Variants in ABCA13 observed in about 807,000 individuals in gnomAD.
ABCA13 encodes ATP-binding cassette sub-family A member 13.
A neutral mutation model predicts 478.7 loss-of-function variants in ABCA13; 476 were observed. That is an observed-to-expected ratio of 0.99 (90% CI 0.92 to 1.07). The LOEUF (loss-of-function observed/expected upper bound fraction) is 1.07, where lower values mean the gene tolerates loss of function less well. Among genes scored for constraint, ABCA13 ranks in the 50% least tolerant of loss-of-function variants. ABCA13 has a pLI of 0.00. For synonymous variants in ABCA13, 2,252 were observed against 2,158.9 expected (o/e 1.04, Z -1.20); for missense variants, 6,060 against 5,910.6 (o/e 1.03, Z -0.83).
At chr7:48,602,465 A>T (rs1255622093) in intron 58 of ABCA13, among the ~76,000 whole-genome samples, 2 of 152,136 alleles carry the variant, frequency 1.3e-5, no homozygotes, top group Non-Finnish European at 2.9e-5. Flanking sequence ...TCCCGACACC[A>T]TTTATTAAAT....
At position 48,246,040 on chromosome 7, in the gene ABCA13, C is replaced by T; in HGVS notation, c.1659+10C>T. 6.2e-7 allele frequency: 1 copy of T among 1,611,092 alleles called. No individual in the cohort carries two copies. ...TTCAGTAGAGGATGCTGTAAGTATT[C>T]TACCATCTTAGCTCTTCTAAGGGCA... On this transcript the variant is annotated intron_variant, in intron 13 of 61. Coordinates refer to ENST00000435803, the MANE Select transcript of ABCA13 (RefSeq NM_152701.5).
intron 1 of ABCA13, among the ~76,000 whole-genome samples, chr7:48,178,975 C>CCAATCA (rs746825836): frequency 7.0e-6 from 1 of 142,076 alleles, no homozygotes; most frequent in Non-Finnish European, 1.5e-5. Context: ...AAAACAAAAA[C>CCAATCA]TAATAATAAT....
intron 15 of ABCA13, among the ~76,000 whole-genome samples, chr7:48,258,824 G>A (rs75999081): frequency 0.023 from 3,424 of 152,114 alleles, 132 homozygotes; most frequent in African/African-American, 0.078. Flanking sequence ...GTTCTCATTA[G>A]TTTTCTAAGA....
At chr7:48,376,703 T>A (rs7801179) in intron 35 of ABCA13, 131 bp downstream of exon 35, 1 of 1,074,982 alleles carries the variant, frequency 9.3e-7, no homozygotes, top group Non-Finnish European at 1.3e-6. Flanking sequence ...GATATATATT[T>A]AAAAGGAGCT....
chr7:48,310,263 G>A, intron 24 of ABCA13, 122 bp downstream of exon 24: 1 of 1,060,740 alleles, frequency 9.4e-7, no homozygotes, highest in Non-Finnish European at 1.4e-6. Flanking sequence ...CTCTGCAGTG[G>A]TCTCCACCAG....
intron 26 of ABCA13, among the ~76,000 whole-genome samples, chr7:48,316,846 T>C (rs1802659521): frequency 6.6e-6 from 1 of 152,202 alleles, no homozygotes; most frequent in Non-Finnish European, 1.5e-5. Flanking sequence ...CAAGCAGCTC[T>C]CTTGGGAACT....
At position 48,273,855 on chromosome 7, in the gene ABCA13, T is replaced by C. The variant is rs1402910208; in HGVS notation, c.4189T>C (p.Trp1397Arg). ...TISSLKGCIV[W>R]LDVINHLYLL... Reference sequence around the variant, plus strand: ...TAGCAGTCTGAAAGGATGCATTGTATGGTTAGATGTCATAAACCATTTGTA... The same window carrying C: ...TAGCAGTCTGAAAGGATGCATTGTACGGTTAGATGTCATAAACCATTTGTA... The change falls in exon 17 of 62, where the codon TGG (tryptophan) becomes CGG (arginine). Residue 1397 changes from tryptophan to arginine, a missense_variant. Trp to Arg is a moderately radical substitution (Grantham distance 101, BLOSUM62 -3). This residue lies in a region of ABCA13 where 4,423 missense variants were observed against 4,309.1 expected (regional missense o/e 1.03). Coordinates refer to ENST00000435803, the MANE Select transcript of ABCA13 (RefSeq NM_152701.5). The C allele has an allele frequency of 4.3e-6, 7 of 1,612,370 alleles. No homozygotes were observed. Among genetic ancestry groups the C allele is most frequent in the Middle Eastern group, 1.6e-4 (1 of 6,080 alleles).
rs200920307 is a variant in ABCA13, at chr7:48,411,165, C to CTCTT, written c.12228+504_12228+507dup. Among the ~76,000 whole-genome samples, 135 of 135,460 alleles carry CTCTT rather than the reference C, an allele frequency of 1.0e-3. 7 individuals carry two copies. The highest frequency in any genetic ancestry group is 2.5e-3 in the South Asian group (11 of 4,354). 88.9% of individuals were successfully genotyped at this position (135,460 alleles called of 152,430 possible). A position where few individuals can be genotyped will look rare whatever the true frequency, so the allele number is the denominator to read the frequency against. ...TTCCTTTTCTTTCTCCCCTTCCCTT[C>CTCTT]TCTTTCTTTCTTTCTTTCTCTTTCT... On this transcript the variant is annotated intron_variant, in intron 40 of 61. Coordinates refer to ENST00000435803, the MANE Select transcript of ABCA13 (RefSeq NM_152701.5).
At chr7:48,244,554 A>T in intron 10 of ABCA13, 22 bp from the exon 11 acceptor site, 1 of 1,603,368 alleles carries the variant, frequency 6.2e-7, no homozygotes, top group Non-Finnish European at 8.5e-7. Context: ...ATTTTATTTC[A>T]TTTATTTATT....
chr7:48,414,466 G>A (rs2129102421), intron 41 of ABCA13, among the ~76,000 whole-genome samples: 1 of 151,790 alleles, frequency 6.6e-6, no homozygotes. Context: ...TGAACAATGT[G>A]CTGAACCTTT....
At chr7:48,575,780 A>G (rs1468719756) in intron 55 of ABCA13, among the ~76,000 whole-genome samples, 2 of 152,198 alleles carry the variant, frequency 1.3e-5, no homozygotes, top group Non-Finnish European at 2.9e-5. Flanking sequence ...CATTTTCACA[A>G]CAGGAAAATA....
At position 48,389,234 on chromosome 7, in the gene ABCA13, T is replaced by C. The variant is rs759326425; in HGVS notation, c.11654+14T>C. ...AACCACTATCATGTGGGTCCCATTT[T>C]ACCCTTATCAAACACTGGGCATTTG... On this transcript the variant is annotated intron_variant, in intron 37 of 61. Transcript: ENST00000435803. 1.4e-5 allele frequency: 22 copies of C among 1,600,860 alleles called. No homozygotes were observed. The highest frequency in any genetic ancestry group is 8.6e-5 in the Admixed American group (5 of 58,306).
intron 44 of ABCA13, among the ~76,000 whole-genome samples, chr7:48,470,127 T>C (rs191082081): frequency 5.9e-4 from 90 of 152,292 alleles, no homozygotes; most frequent in Admixed American, 2.2e-3. Context: ...AAAAGAAAAA[T>C]TATGTAGAAA....
intron 42 of ABCA13, among the ~76,000 whole-genome samples, chr7:48,445,999 A>T (rs1427010251): frequency 6.6e-6 from 1 of 152,154 alleles, no homozygotes; most frequent in Non-Finnish European, 1.5e-5. Context: ...CCACCTACAG[A>T]GTGAACAGTC....
At chr7:48,289,762 A>C (rs1317251994) in intron 20 of ABCA13, among the ~76,000 whole-genome samples, 1 of 152,220 alleles carries the variant, frequency 6.6e-6, no homozygotes, top group African/African-American at 2.4e-5. Flanking sequence ...TTTATAGTTC[A>C]AATTGTTATA....
chr7:48,202,903 C>T (rs560387326), intron 3 of ABCA13, among the ~76,000 whole-genome samples: 4 of 96,516 alleles, frequency 4.1e-5, no homozygotes, highest in South Asian at 2.9e-4. Flanking sequence ...GTCCCGGTGC[C>T]GTGCGCCCGC....
intron 45 of ABCA13, among the ~76,000 whole-genome samples, chr7:48,477,466 A>G (rs1828239579): frequency 1.3e-5 from 2 of 152,026 alleles, no homozygotes; most frequent in South Asian, 4.2e-4. Flanking sequence ...CACTATTCAC[A>G]ATAGCAAAGA....
chr7:48,442,310 C>A (rs1823730491), intron 42 of ABCA13, among the ~76,000 whole-genome samples: 1 of 152,152 alleles, frequency 6.6e-6, no homozygotes, highest in Non-Finnish European at 1.5e-5. Flanking sequence ...AACAGACATT[C>A]ATTTCTCACA....
intron 20 of ABCA13, among the ~76,000 whole-genome samples, chr7:48,293,202 C>G (rs924297461): frequency 2.5e-4 from 34 of 136,814 alleles, no homozygotes; most frequent in Admixed American, 4.3e-4. Flanking sequence ...GCCCCCCCCC[C>G]GCCACACACA....
Sources: gnomAD v4.1 joint callset for allele counts (sites outside exome capture counted in the v4.1 genomes callset) on GRCh38, gnomAD v4.1.1 for gene constraint, gnomAD v4.1.1 regional missense constraint, MANE v1.5 for transcripts, NCBI Gene and HGNC (gene_info 2026-07-23, HGNC 2026-07-21) for gene names.